Variants in RAB11FIP4 observed in about 807,000 individuals in gnomAD.
The protein encoded by RAB11FIP4 is rab11 family-interacting protein 4.
A neutral mutation model predicts 74.3 loss-of-function variants in RAB11FIP4; 23 were observed. The ratio of observed to expected loss-of-function variants is 0.31; its 90% confidence interval spans 0.22 to 0.44. The LOEUF (loss-of-function observed/expected upper bound fraction) is 0.44. Among genes scored for constraint, RAB11FIP4 ranks in the 20% least tolerant of loss-of-function variants. The pLI, the probability that RAB11FIP4 is intolerant of heterozygous loss-of-function variation, is 1.00. For synonymous variants in RAB11FIP4, 360 were observed against 359.9 expected (o/e 1.00, Z 0.00); for missense variants, 630 against 863.9 (o/e 0.73, Z 3.39).
chr17:31,429,889 G>A (rs1435572823), intron 1 of RAB11FIP4, among the ~76,000 whole-genome samples: 1 of 151,796 alleles, frequency 6.6e-6, no homozygotes, highest in African/African-American at 2.4e-5. Flanking sequence ...TGCTCTTCGG[G>A]GCTGTCCTGA....
chr17:31,401,016 C>T (rs770435138), intron 1 of RAB11FIP4, among the ~76,000 whole-genome samples: 20 of 152,156 alleles, frequency 1.3e-4, no homozygotes, highest in Non-Finnish European at 2.2e-4. Flanking sequence ...TGCCTGTAAT[C>T]CCAGCACTCT....
rs1355417241 is a variant in RAB11FIP4 at position 31,517,747 on chromosome 17, G to C, written c.433G>C (p.Ala145Pro). 6.3e-7 allele frequency: 1 copy of C among 1,586,838 alleles called. No individual in the cohort carries two copies. The highest frequency in any genetic ancestry group is 8.6e-7 in the Non-Finnish European group (1 of 1,166,888). Residue 145 changes from alanine to proline, a missense_variant, in exon 4 of 15, where the codon GCG becomes CCG. Ala to Pro is a conservative substitution (Grantham distance 27). Coordinates refer to ENST00000621161, the MANE Select transcript of RAB11FIP4 (RefSeq NM_032932.6). ...PEDEEEAMTLAPPEGPQELYT... is the reference protein window; with the variant it reads ...PEDEEEAMTLPPPEGPQELYT... ...GGACGAGGAGGAGGCTATGACGCTG[G>C]CGCCACCTGAGGGCCCCCAGGAGTT...
At chr17:31,498,688 A>G (rs779816205) in intron 3 of RAB11FIP4, among the ~76,000 whole-genome samples, 6 of 152,192 alleles carry the variant, frequency 3.9e-5, no homozygotes, top group Non-Finnish European at 8.8e-5. Flanking sequence ...GGTCAGCTCC[A>G]TCCAGGCATG....
At chr17:31,516,992 A>C (rs919366024) in intron 3 of RAB11FIP4, among the ~76,000 whole-genome samples, 2 of 151,976 alleles carry the variant, frequency 1.3e-5, no homozygotes, top group Non-Finnish European at 2.9e-5. Context: ...GTTACACCCT[A>C]TGCAAACATC....
At chr17:31,521,066 T>C in intron 4 of RAB11FIP4, 100 bp from the exon 5 acceptor site, 1 of 886,476 alleles carries the variant, frequency 1.1e-6, no homozygotes. Context: ...ACTTAATCGG[T>C]AGTGCCAATT....
At chr17:31,394,687 C>G (rs532649311) in intron 1 of RAB11FIP4, among the ~76,000 whole-genome samples, 1 of 152,306 alleles carries the variant, frequency 6.6e-6, no homozygotes, top group South Asian at 2.1e-4. Flanking sequence ...ACCTCTATCA[C>G]TCTCAGCTGT....
intron 3 of RAB11FIP4, among the ~76,000 whole-genome samples, chr17:31,464,246 A>T (rs2142720774): frequency 6.6e-6 from 1 of 151,098 alleles, no homozygotes; most frequent in Non-Finnish European, 1.5e-5. Context: ...AGGCTGATCA[A>T]GCAGAAGTTG....
rs1328003929 is a variant in RAB11FIP4, at chr17:31,536,045, G to GT, written c.*4313_*4314insT. On this transcript the variant is annotated 3_prime_UTR_variant, in exon 15 of 15. Transcript: ENST00000621161. ...CTGGTGTTCAGGGGAGTTGGGGGGG[G>GT]GGGGCGCGGGGACAGAAGCGCGGGT... is the stretch of plus-strand genomic sequence containing the variant. 7 of 151,924 alleles carry GT rather than the reference G, an allele frequency of 4.6e-5. No homozygotes were observed. The highest frequency in any genetic ancestry group is 8.8e-5 in the Non-Finnish European group (6 of 67,990). The allele number at this position is 151,924 out of a possible 1,614,324, so 9.4% of individuals were successfully genotyped here.
chr17:31,394,436 A>G (rs544704836), intron 1 of RAB11FIP4, among the ~76,000 whole-genome samples: 5 of 152,142 alleles, frequency 3.3e-5, no homozygotes, highest in Non-Finnish European at 5.9e-5. Context: ...TTTCCTCTCC[A>G]GGACTGTGCA....
chr17:31,516,715 G>A (rs1231401829), intron 3 of RAB11FIP4, among the ~76,000 whole-genome samples: 1 of 152,202 alleles, frequency 6.6e-6, no homozygotes, highest in African/African-American at 2.4e-5. Flanking sequence ...TGATCTGCCC[G>A]CCTTGGCCTC....
At chr17:31,409,530 C>T (rs752010685) in intron 1 of RAB11FIP4, among the ~76,000 whole-genome samples, 5 of 152,108 alleles carry the variant, frequency 3.3e-5, no homozygotes, top group Non-Finnish European at 7.4e-5. Flanking sequence ...AATCAGGGTG[C>T]ACTTACCAGG....
chr17:31,453,993 C>T (rs1456390588), intron 3 of RAB11FIP4, among the ~76,000 whole-genome samples: 1 of 152,072 alleles, frequency 6.6e-6, no homozygotes, highest in African/African-American at 2.4e-5. Context: ...CCCACAACCG[C>T]ATCCCCCCCA....
Position 31,474,870 on chromosome 17 carries a change from C to CAAAAA in RAB11FIP4, c.336+40752_336+40753insAAAAA, listed in dbSNP as rs1192733364. On this transcript the variant is annotated intron_variant, in intron 3 of 14. Transcript: ENST00000621161. ...AAAAACAAAACAAAACAAAACAAAA[C>CAAAAA]AAAACAAAAAACAAAAAAAAAACAG... Among the ~76,000 whole-genome samples the CAAAAA allele has an allele frequency of 1.6e-3, 190 of 116,780 alleles. 1 individual carries two copies. Among genetic ancestry groups the CAAAAA allele is most frequent in the African/African-American group, 5.3e-3 (175 of 33,202 alleles). The allele number at this position is 116,780 out of a possible 152,430, so 76.6% of individuals were successfully genotyped here.
rs546082933 is a variant in RAB11FIP4, at chr17:31,397,772, G to T, written c.159+5761G>T. On this transcript the variant is annotated intron_variant, in intron 1 of 14. Transcript: ENST00000621161. ...GGCGGGAGGACGAGTCCTAGCTGGG[G>T]CACCCTCTGGCCTCTTGTGCCCACC... Among the ~76,000 whole-genome samples the T allele has an allele frequency of 7.4e-4, 113 of 152,276 alleles. 1 individual carries two copies. Among genetic ancestry groups the T allele is most frequent in the Admixed American group, 7.3e-3 (111 of 15,302 alleles).
intron 7 of RAB11FIP4, chr17:31,523,306 C>T (rs564622169): frequency 1.2e-5 from 7 of 595,116 alleles, no homozygotes; most frequent in South Asian, 1.9e-5. Context: ...CAGGGGACCC[C>T]GGGGGTCTGT....
chr17:31,513,140 TCTA>T (rs1237222944), intron 3 of RAB11FIP4, among the ~76,000 whole-genome samples: 1 of 152,072 alleles, frequency 6.6e-6, no homozygotes, highest in Admixed American at 6.6e-5. Flanking sequence ...TGACCCCCAG[TCTA>T]CTTGGAAGTA....
intron 2 of RAB11FIP4, 75 bp downstream of exon 2, chr17:31,431,975 C>A: frequency 2.6e-6 from 3 of 1,160,562 alleles, no homozygotes; most frequent in Non-Finnish European, 3.8e-6. Flanking sequence ...TGACTGGGGG[C>A]CCAGCCTGGA....
At chr17:31,412,394 C>G (rs566746284) in intron 1 of RAB11FIP4, among the ~76,000 whole-genome samples, 2 of 152,318 alleles carry the variant, frequency 1.3e-5, no homozygotes, top group South Asian at 4.1e-4. Context: ...TCACTTTAGT[C>G]CAGGAAAGCC....
At chr17:31,519,046 G>T (rs1208199825) in intron 4 of RAB11FIP4, among the ~76,000 whole-genome samples, 1 of 110,582 alleles carries the variant, frequency 9.0e-6, no homozygotes, top group African/African-American at 3.6e-5. Flanking sequence ...ACGGAGTCTC[G>T]CTCTGTCGCC....
Sources: allele counts gnomAD v4.1 joint callset (sites outside exome capture counted in the v4.1 genomes callset), GRCh38; gene constraint gnomAD v4.1.1; transcripts MANE v1.5; gene names NCBI Gene and HGNC (gene_info 2026-07-23, HGNC 2026-07-21).